LRRC4C: variants seen among roughly 807,000 people sequenced by gnomAD.
LRRC4C encodes leucine-rich repeat-containing protein 4C.
A neutral mutation model predicts 33.6 loss-of-function variants in LRRC4C; 5 were observed. That is an observed-to-expected ratio of 0.15 (90% confidence interval 0.08 to 0.31). The LOEUF (loss-of-function observed/expected upper bound fraction) is 0.31. Ranked by LOEUF, LRRC4C falls within the 10% of genes least tolerant of loss-of-function variation. The probability of loss-of-function intolerance (pLI) is 1.00; values close to 1 mark genes in which losing one functional copy is unlikely to be tolerated. For synonymous variants in LRRC4C, 329 were observed against 302.0 expected, an observed-to-expected ratio of 1.09 and a Z score of -0.93; for missense variants, 560 against 796.7, an observed-to-expected ratio of 0.70 and a Z score of 3.58.
At chr11:40,672,624 T>G (rs963656261) in intron 2 of LRRC4C, among the ~76,000 whole-genome samples, 2 of 152,174 alleles carry the variant, frequency 1.3e-5, no homozygotes, top group Non-Finnish European at 2.9e-5. Flanking sequence ...AGAAATGTCC[T>G]AATTACAAAG....
At chr11:41,090,349 GT>G (rs1400489939) in intron 1 of LRRC4C, among the ~76,000 whole-genome samples, 6 of 151,914 alleles carry the variant, frequency 3.9e-5, no homozygotes, top group Admixed American at 3.3e-4. Context: ...AGAATTATGT[GT>G]TCTAGTTTGT....
intron 1 of LRRC4C, among the ~76,000 whole-genome samples, chr11:41,385,156 T>G: frequency 6.6e-6 from 1 of 151,176 alleles, no homozygotes; most frequent in Non-Finnish European, 1.5e-5. Context: ...GTTAAATTAG[T>G]GTCAATTGGG....
intron 3 of LRRC4C, among the ~76,000 whole-genome samples, chr11:40,442,356 C>T (rs919171089): frequency 6.6e-6 from 1 of 151,996 alleles, no homozygotes; most frequent in Non-Finnish European, 1.5e-5. Flanking sequence ...TATTTATTTA[C>T]TAATTTACAA....
chr11:41,307,873 T>C (rs1950546178), intron 1 of LRRC4C, among the ~76,000 whole-genome samples: 3 of 152,208 alleles, frequency 2.0e-5, no homozygotes. Context: ...AGTGAAACTA[T>C]GAAGATTTCC....
chr11:41,333,988 T>A (rs572959956), intron 1 of LRRC4C, among the ~76,000 whole-genome samples: 39 of 152,266 alleles, frequency 2.6e-4, no homozygotes, highest in Non-Finnish European at 5.1e-4. Flanking sequence ...TCTAGAAAAT[T>A]TCACATCTGG....
chr11:41,058,303 G>C (rs1417424135), intron 1 of LRRC4C, among the ~76,000 whole-genome samples: 1 of 152,230 alleles, frequency 6.6e-6, no homozygotes, highest in Admixed American at 6.5e-5. Context: ...GGTGCAGCTG[G>C]TCTGGCTGCA....
chr11:40,225,898 C>T (rs1465568407), intron 5 of LRRC4C, among the ~76,000 whole-genome samples: 1 of 152,170 alleles, frequency 6.6e-6, no homozygotes, highest in Non-Finnish European at 1.5e-5. Flanking sequence ...GGATTACAGG[C>T]GTGAGCCACC....
intron 5 of LRRC4C, among the ~76,000 whole-genome samples, chr11:40,227,115 C>T (rs546219537): frequency 6.6e-6 from 1 of 152,242 alleles, no homozygotes; most frequent in South Asian, 2.1e-4. Context: ...AGTGTTCTCC[C>T]TGCAAGAGTG....
At chr11:41,268,890 G>T (rs1479585125) in intron 1 of LRRC4C, among the ~76,000 whole-genome samples, 1 of 151,444 alleles carries the variant, frequency 6.6e-6, no homozygotes, top group Non-Finnish European at 1.5e-5. Flanking sequence ...CACAGAAAAA[G>T]ACAAAATACA....
intron 2 of LRRC4C, among the ~76,000 whole-genome samples, chr11:40,912,751 CAA>C (rs1956760490): frequency 6.6e-6 from 1 of 152,134 alleles, no homozygotes; most frequent in South Asian, 2.1e-4. Context: ...CACAGACTGG[CAA>C]ATTGGATAAA....
chr11:41,145,746 C>T (rs111564386), intron 1 of LRRC4C, among the ~76,000 whole-genome samples: 8 of 152,174 alleles, frequency 5.3e-5, no homozygotes, highest in African/African-American at 1.9e-4. Flanking sequence ...TCCTTGGCAC[C>T]GAGTTGGTGT....
chr11:40,645,530 C>T lies in LRRC4C; in HGVS notation c.-270+2612G>A, dbSNP rs931571. 3.6e-3 allele frequency among the ~76,000 whole-genome samples: 543 copies of T among 152,216 alleles called. 5 individuals carry two copies. The highest frequency in any genetic ancestry group is 0.013 in the African/African-American group (524 of 41,532). ...AAGTGCTTCCTGCTTCTGACAATGT[C>T]GCCCTGTTTATTCCAGTAGCCACTG... On this transcript the variant is annotated intron_variant, in intron 3 of 6. Coordinates refer to ENST00000528697, the MANE Select transcript of LRRC4C (RefSeq NM_001258419.2).
chr11:41,263,277 G>A (rs74769890), intron 1 of LRRC4C, among the ~76,000 whole-genome samples: 2,894 of 152,090 alleles, frequency 0.019, 92 homozygotes, highest in African/African-American at 0.067. Context: ...ATTAACATCC[G>A]CACCCTCATC....
rs966634227 is a variant in LRRC4C at position 41,126,035 on chromosome 11, A to C, written c.-495-192312T>G. 3.9e-5 allele frequency among the ~76,000 whole-genome samples: 6 copies of C among 152,112 alleles called. No individual in the cohort carries two copies. In the East Asian group the frequency reaches 5.8e-4, roughly 15 times the overall value. ...AGTAGAAAGTAGAGAAACTAAAAAA[A>C]ATAACCAAGTACTACTTAATTAGTA... On this transcript the variant is annotated intron_variant, in intron 1 of 6. Coordinates refer to ENST00000528697, the MANE Select transcript of LRRC4C (RefSeq NM_001258419.2).
chr11:40,331,009 A>T (rs1441235346), intron 3 of LRRC4C, among the ~76,000 whole-genome samples: 2 of 152,158 alleles, frequency 1.3e-5, no homozygotes, highest in Non-Finnish European at 2.9e-5. Flanking sequence ...GGAACCACTC[A>T]TCTACTCTCT....
chr11:41,271,391 C>T (rs1176946621), intron 1 of LRRC4C, among the ~76,000 whole-genome samples: 1 of 152,076 alleles, frequency 6.6e-6, no homozygotes, highest in African/African-American at 2.4e-5. Context: ...CTACAACAGT[C>T]CTCTCCTTCT....
chr11:40,741,772 A>G (rs1281473855), intron 2 of LRRC4C, among the ~76,000 whole-genome samples: 1 of 152,052 alleles, frequency 6.6e-6, no homozygotes, highest in East Asian at 1.9e-4. Context: ...TTTAATCACA[A>G]TTTAGAATGA....
chr11:40,814,164 G>A (rs113239412), intron 2 of LRRC4C, among the ~76,000 whole-genome samples: 14 of 152,282 alleles, frequency 9.2e-5, no homozygotes, highest in Admixed American at 7.8e-4. Context: ...CTCTATGAGG[G>A]CTCCACTCCT....
At chr11:41,344,178 G>C (rs1213663655) in intron 1 of LRRC4C, among the ~76,000 whole-genome samples, 1 of 150,596 alleles carries the variant, frequency 6.6e-6, no homozygotes, top group Non-Finnish European at 1.5e-5. Context: ...CCAGAGCCCA[G>C]TGATTTTCCC....
Sources: gnomAD v4.1 joint callset for allele counts (sites outside exome capture counted in the v4.1 genomes callset) on GRCh38, gnomAD v4.1.1 for gene constraint, MANE v1.5 for transcripts, NCBI Gene and HGNC (gene_info 2026-07-23, HGNC 2026-07-21) for gene names.